MAML2: variants seen among roughly 807,000 people sequenced by gnomAD.
MAML2 encodes mastermind-like protein 2.
A neutral mutation model predicts 96.1 loss-of-function variants in MAML2; 22 were observed. The observed-to-expected ratio is 0.23, with a 90% CI of 0.16 to 0.33. The LOEUF (loss-of-function observed/expected upper bound fraction) is 0.33. MAML2 is among the 10% of genes least tolerant of loss of function. The pLI, the probability that MAML2 is intolerant of heterozygous loss-of-function variation, is 1.00. For synonymous variants in MAML2, 561 were observed against 521.3 expected (o/e 1.08, Z -1.04); for missense variants, 1,367 against 1,392.4 (o/e 0.98, Z 0.29).
chr11:96,051,939 G>T (rs774045971), intron 2 of MAML2, among the ~76,000 whole-genome samples: 1 of 152,164 alleles, frequency 6.6e-6, no homozygotes, highest in Non-Finnish European at 1.5e-5. Context: ...GAGCATTGTG[G>T]CATTGTATGT....
chr11:95,985,690 A>C (rs781251655), intron 3 of MAML2, 48 bp from the exon 4 acceptor site: 1 of 1,256,312 alleles, frequency 8.0e-7, no homozygotes, highest in Non-Finnish European at 1.1e-6. Context: ...TTCCCTTTTC[A>C]CTTGTGAAAA....
intron 2 of MAML2, among the ~76,000 whole-genome samples, chr11:96,031,412 C>A (rs894350127): frequency 2.0e-5 from 3 of 151,986 alleles, no homozygotes; most frequent in African/African-American, 7.2e-5. Flanking sequence ...CCAAACTATG[C>A]TAAAGAGAAA....
At chr11:96,176,771 T>C (rs1391862548) in intron 1 of MAML2, among the ~76,000 whole-genome samples, 1 of 152,220 alleles carries the variant, frequency 6.6e-6, no homozygotes, top group African/African-American at 2.4e-5. Flanking sequence ...TGTTGAGGGC[T>C]GGATGAATGT....
At chr11:96,153,267 C>G (rs1860954319) in intron 1 of MAML2, among the ~76,000 whole-genome samples, 1 of 151,466 alleles carries the variant, frequency 6.6e-6, no homozygotes. Context: ...CTTGTCCTAT[C>G]AAAACATCAA....
intron 1 of MAML2, among the ~76,000 whole-genome samples, chr11:96,231,830 A>G (rs1368050265): frequency 6.6e-6 from 1 of 152,142 alleles, no homozygotes; most frequent in Non-Finnish European, 1.5e-5. Flanking sequence ...CCTTAGGTTA[A>G]AAAATATGTC....
At chr11:95,992,068 C>G (rs929790295) in intron 2 of MAML2, among the ~76,000 whole-genome samples, 10 of 152,194 alleles carry the variant, frequency 6.6e-5, no homozygotes, top group Non-Finnish European at 1.3e-4. Context: ...AACATCATAA[C>G]CTAACAAATC....
intron 2 of MAML2, among the ~76,000 whole-genome samples, chr11:96,041,970 G>C (rs1176506433): frequency 7.2e-6 from 1 of 138,876 alleles, no homozygotes; most frequent in African/African-American, 2.6e-5. Flanking sequence ...CACCACGCCC[G>C]GCTAATTTTT....
At chr11:96,186,774 A>G (rs927353249) in intron 1 of MAML2, among the ~76,000 whole-genome samples, 1 of 152,232 alleles carries the variant, frequency 6.6e-6, no homozygotes, top group African/African-American at 2.4e-5. Context: ...TCAAGGCTAC[A>G]TAGTAGGTGA....
In MAML2 at chr11:95,999,672, G is replaced by A. The variant is rs114769908; in HGVS notation, c.2140-7949C>T. On this transcript the variant is annotated intron_variant, in intron 2 of 4. Coordinates refer to ENST00000524717, the MANE Select transcript of MAML2 (RefSeq NM_032427.4). The stretch of plus-strand genomic sequence containing the variant: ...TCTTCACTTATTTTGGAAGGGGACT[G>A]TATAATGATTTTCCCCCCACAAAAA... Among the ~76,000 whole-genome samples, 451 of 151,988 alleles carry A rather than the reference G, an allele frequency of 3.0e-3. 2 individuals are homozygous for A. The highest frequency in any genetic ancestry group is 0.011 in the African/African-American group (442 of 41,444).
At chr11:96,058,294 T>TTTTGTCTG (rs139935932) in intron 2 of MAML2, among the ~76,000 whole-genome samples, 1 of 150,996 alleles carries the variant, frequency 6.6e-6, no homozygotes, top group African/African-American at 2.4e-5. Flanking sequence ...TCCAAGCAGT[T>TTTTGTCTG]TTTGTTTGTT....
chr11:96,146,582 A>G (rs1860825813), intron 1 of MAML2, among the ~76,000 whole-genome samples: 1 of 152,148 alleles, frequency 6.6e-6, no homozygotes, highest in Admixed American at 6.5e-5. Context: ...ACACCATATC[A>G]TAGTTTACTT....
chr11:96,021,326 A>G (rs1330467165), intron 2 of MAML2, among the ~76,000 whole-genome samples: 1 of 152,238 alleles, frequency 6.6e-6, no homozygotes, highest in African/African-American at 2.4e-5. Flanking sequence ...TGTTAAATGA[A>G]TGGAAAATCG....
Position 96,341,882 on chromosome 11 carries a change from G to T in MAML2, c.14C>A (p.Ala5Glu), listed in dbSNP as rs1401999898. Residue 5 changes from alanine (A) to glutamate (E), a missense_variant, in exon 1 of 5, where the codon GCG (alanine) becomes GAG (glutamate). Ala to Glu is a moderately radical substitution (Grantham distance 107). Coordinates refer to ENST00000524717, the MANE Select transcript of MAML2 (RefSeq NM_032427.4). MGDT[A>E]PPQAPAGGLG... ...CCCTCCTGCGGGGGCCTGCGGGGGCGCTGTGTCCCCCATCTTACCGGACAC... is the reference window on the plus strand; with the variant it reads ...CCCTCCTGCGGGGGCCTGCGGGGGCTCTGTGTCCCCCATCTTACCGGACAC... 1 of 1,531,172 alleles carries T rather than the reference G, an allele frequency of 6.5e-7. No individual in the cohort carries two copies. The highest frequency in any genetic ancestry group is 2.0e-5 in the Admixed American group (1 of 49,996). 94.8% of individuals were successfully genotyped at this position (1,531,172 alleles called of 1,614,324 possible). A position where few individuals can be genotyped will look rare whatever the true frequency, so the allele number is the denominator to read the frequency against.
At chr11:96,235,101 C>A (rs931650081) in intron 1 of MAML2, among the ~76,000 whole-genome samples, 25 of 152,106 alleles carry the variant, frequency 1.6e-4, no homozygotes, top group African/African-American at 6.0e-4. Context: ...ATTAATAGCA[C>A]CCTCTGGACC....
At chr11:96,141,215 T>A (rs778057457) in intron 1 of MAML2, among the ~76,000 whole-genome samples, 23 of 152,168 alleles carry the variant, frequency 1.5e-4, no homozygotes, top group Non-Finnish European at 3.2e-4. Context: ...ATATGTCCCA[T>A]GCAACATTTG....
intron 1 of MAML2, among the ~76,000 whole-genome samples, chr11:96,298,796 A>G (rs1047247850): frequency 6.8e-6 from 1 of 147,422 alleles, no homozygotes; most frequent in African/African-American, 2.5e-5. Flanking sequence ...TAATCCTAGC[A>G]CTTTGGGAGG....
intron 1 of MAML2, among the ~76,000 whole-genome samples, chr11:96,113,842 C>T (rs537683451): frequency 1.4e-4 from 21 of 152,088 alleles, no homozygotes; most frequent in African/African-American, 2.9e-4. Flanking sequence ...CATATGAAGG[C>T]GGTTGTATAA....
chr11:96,189,065 TTTTG>T (rs1016320002), intron 1 of MAML2, among the ~76,000 whole-genome samples: 3 of 142,366 alleles, frequency 2.1e-5, no homozygotes, highest in Admixed American at 6.9e-5. Flanking sequence ...CTAGAAACTG[TTTTG>T]TTTTTTTTTT....
intron 2 of MAML2, among the ~76,000 whole-genome samples, chr11:96,081,035 A>C (rs770152050): frequency 2.0e-5 from 3 of 152,156 alleles, no homozygotes; most frequent in Non-Finnish European, 4.4e-5. Flanking sequence ...TTCATGGGTT[A>C]AGCTACAACA....
Sources: allele counts gnomAD v4.1 joint callset (sites outside exome capture counted in the v4.1 genomes callset), GRCh38; gene constraint gnomAD v4.1.1; transcripts MANE v1.5; gene names NCBI Gene and HGNC (gene_info 2026-07-23, HGNC 2026-07-21).